Variants in MCOLN3 observed in about 807,000 individuals in gnomAD.
MCOLN3 encodes mucolipin-3.
A neutral mutation model predicts 69.4 loss-of-function variants in MCOLN3; 62 were observed. The observed-to-expected ratio is 0.89, with a 90% confidence interval of 0.73 to 1.10. MCOLN3 has a LOEUF of 1.10. MCOLN3 is among the 50% of genes least tolerant of loss of function. The pLI, the probability that MCOLN3 is intolerant of heterozygous loss-of-function variation, is 0.00. For synonymous variants in MCOLN3, 183 were observed against 217.0 expected (o/e 0.84, Z 1.38); for missense variants, 564 against 656.4 (o/e 0.86, Z 1.54).
rs918836032 is a variant in MCOLN3 at position 85,041,296 on chromosome 1, CAAG to C, written c.229-122_229-120del. 12 of 797,852 alleles carry C rather than the reference CAAG, an allele frequency of 1.5e-5. No individual in the cohort carries two copies. In the African/African-American group the frequency reaches 2.1e-4, roughly 14 times the overall value. The allele number at this position is 797,852 out of a possible 1,614,324, so 49.4% of individuals were successfully genotyped here. A position where few individuals can be genotyped will look rare whatever the true frequency, so the allele number is the denominator to read the frequency against. ...GTTTAAAATGAATTCTCTGGGACAT[CAAG>C]AAGGTTTTGCAGCAGGTGGATAATA... On this transcript the variant is annotated intron_variant, in intron 2 of 12. Transcript: ENST00000370589.
intron 1 of MCOLN3, among the ~76,000 whole-genome samples, chr1:85,046,512 AT>A (rs1449164023): frequency 1.3e-5 from 2 of 152,214 alleles, no homozygotes; most frequent in African/African-American, 4.8e-5. Flanking sequence ...TCCATACGGA[AT>A]AGAAAGGCAG....
At chr1:85,031,579 T>C (rs72720544) in intron 6 of MCOLN3, among the ~76,000 whole-genome samples, 31,077 of 152,020 alleles carry the variant, frequency 0.2, 3,482 homozygotes, top group South Asian at 0.29. Context: ...AAATACTTTT[T>C]TAAACATACA....
In MCOLN3 at chr1:85,021,220, A is replaced by G. The variant is rs1029546614; in HGVS notation, c.1377T>C (p.Asp459=). ...GCATTTTTGCAAACGTGGCAAACAT[A>G]TCATCTCCATTTATCAGAGAGAAAA... is the stretch of plus-strand genomic sequence containing the variant. ...ECLFSLINGD[D]MFATFAKMQQ... is the part of the protein sequence containing the mutation. Residue 459 remains aspartate, a synonymous_variant, in exon 12 of 13, where the codon GAT becomes GAC. Coordinates refer to ENST00000370589, the MANE Select transcript of MCOLN3 (RefSeq NM_018298.11). 1.9e-6 allele frequency: 3 copies of G among 1,613,816 alleles called. No homozygotes were observed. In the African/African-American group the frequency reaches 4.0e-5, roughly 22 times the overall value.
rs758296897 is a variant in MCOLN3 at position 85,034,106 on chromosome 1, A to G, written c.542T>C (p.Ile181Thr). The G allele has an allele frequency of 1.2e-6, 2 of 1,614,170 alleles. No individual in the cohort carries two copies. The highest frequency in any genetic ancestry group is 1.1e-5 in the South Asian group (1 of 91,062). Reference protein sequence around the residue: ...GNDTFDIDPEIETECFFVEPD... With the variant: ...GNDTFDIDPETETECFFVEPD... The stretch of plus-strand genomic sequence containing the variant: ...TTATAGAAGAACATCACCAGTTTCA[A>G]TTTCTGGATCGATGTCAAAGGTATC... Residue 181 changes from isoleucine to threonine, a missense_variant, in exon 4 of 13, where the codon ATT (isoleucine) becomes ACT (threonine). Coordinates refer to ENST00000370589, the MANE Select transcript of MCOLN3 (RefSeq NM_018298.11).
At chr1:85,020,357 T>C (rs1398777239) in intron 12 of MCOLN3, among the ~76,000 whole-genome samples, 16 of 152,212 alleles carry the variant, frequency 1.1e-4, no homozygotes, top group Admixed American at 1.0e-3. Context: ...TTTATCCCTC[T>C]CATACCCAGA....
intron 4 of MCOLN3, among the ~76,000 whole-genome samples, chr1:85,033,874 A>G (rs1652667967): frequency 6.6e-6 from 1 of 152,176 alleles, no homozygotes; most frequent in African/African-American, 2.4e-5. Flanking sequence ...TTAGTCTTCT[A>G]TAAAAGGGGA....
chr1:85,036,257 T>C (rs1652798915), intron 3 of MCOLN3, among the ~76,000 whole-genome samples: 2 of 152,192 alleles, frequency 1.3e-5, no homozygotes, highest in South Asian at 4.1e-4. Context: ...AGTGGCATGA[T>C]CTCGGCTCAC....
chr1:85,045,755 T>C (rs1382876820), intron 1 of MCOLN3, among the ~76,000 whole-genome samples: 1 of 152,190 alleles, frequency 6.6e-6, no homozygotes, highest in African/African-American at 2.4e-5. Context: ...ATGAAAACTT[T>C]CATATATGTG....
chr1:85,022,666 T>G, intron 9 of MCOLN3: 14 of 279,298 alleles, frequency 5.0e-5, no homozygotes, highest in East Asian at 2.5e-4. Flanking sequence ...GGGTATGGGT[T>G]TGTCATTTTA....
At chr1:85,032,376 C>T (rs958635851) in intron 6 of MCOLN3, among the ~76,000 whole-genome samples, 19 of 152,092 alleles carry the variant, frequency 1.2e-4, no homozygotes, top group African/African-American at 4.3e-4. Flanking sequence ...TGAGAGCCAA[C>T]CACACAGAAC....
rs747158475 is a variant in MCOLN3, at chr1:85,032,790, A to C, written c.638T>G (p.Leu213Arg). The C allele has an allele frequency of 1.2e-6, 2 of 1,614,004 alleles. No homozygotes were observed. Among genetic ancestry groups the C allele is most frequent in the Admixed American group, 3.3e-5 (2 of 60,028 alleles). The change falls in exon 6 of 13, where the codon CTC becomes CGC. Residue 213 changes from leucine (L) to arginine (R), a missense_variant and splice_region_variant. Physicochemically the swap from Leu to Arg is moderately radical, Grantham distance 102. Transcript: ENST00000370589. ...TTTAAACTGAAGCTCCACTGTTAGGAGTCTAGAAAACAGAGGTGATTTTAG... is the reference window on the plus strand; with the variant it reads ...TTTAAACTGAAGCTCCACTGTTAGGCGTCTAGAAAACAGAGGTGATTTTAG... ...KLNLTLDFHR[L>R]LTVELQFKLK...
chr1:85,033,462 T>C (rs985993901), intron 4 of MCOLN3, among the ~76,000 whole-genome samples: 5 of 152,118 alleles, frequency 3.3e-5, no homozygotes, highest in African/African-American at 1.2e-4. Flanking sequence ...GTATTATCTC[T>C]AGAAAAAAAA....
chr1:85,047,219 A>G (rs1304356901), intron 1 of MCOLN3: 1 of 152,272 alleles, frequency 6.6e-6, no homozygotes. Context: ...ATCCACAGGA[A>G]CAAAGAGAAA....
chr1:85,039,681 A>T (rs889981222), intron 3 of MCOLN3, among the ~76,000 whole-genome samples: 11 of 152,138 alleles, frequency 7.2e-5, no homozygotes, highest in African/African-American at 2.4e-4. Context: ...GGTTAAGATG[A>T]TTTATAAGGA....
chr1:85,023,074 CTTTT>C (rs71582943), intron 9 of MCOLN3: 2 of 97,162 alleles, frequency 2.1e-5, no homozygotes, highest in Non-Finnish European at 4.1e-5. Flanking sequence ...GATTTTTATT[CTTTT>C]TTTTTTTTTT....
Position 85,026,274 on chromosome 1 carries a change from G to A in MCOLN3, c.843C>T (p.Asn281=), listed in dbSNP as rs752424732. The A allele has an allele frequency of 1.2e-6, 2 of 1,612,790 alleles. No homozygotes were observed. The highest frequency in any genetic ancestry group is 8.5e-7 in the Non-Finnish European group (1 of 1,178,770). Residue 281 remains asparagine (N), a synonymous_variant, in exon 8 of 13, where the codon AAC becomes AAT. Coordinates refer to ENST00000370589, the MANE Select transcript of MCOLN3 (RefSeq NM_018298.11). ...CATCAAAGATCATCATGTAATGAGT[G>A]TTCTTCTGAACTGAAAGCAAAGAGG... ...DWHVSGSIQK[N]THYMMIFDAF...
chr1:85,043,243 G>C (rs1220343333), intron 2 of MCOLN3, among the ~76,000 whole-genome samples: 1 of 152,072 alleles, frequency 6.6e-6, no homozygotes, highest in Admixed American at 6.6e-5. Context: ...TAAGAATTGA[G>C]TATGGGCCGG....
chr1:85,020,914 G>A (rs776673578), intron 12 of MCOLN3, among the ~76,000 whole-genome samples, 156 bp downstream of exon 12: 7 of 152,088 alleles, frequency 4.6e-5, no homozygotes, highest in Non-Finnish European at 7.4e-5. Flanking sequence ...TTTTCCACTA[G>A]TTCTATTTAT....
Position 85,018,908 on chromosome 1 carries a change from C to A in MCOLN3, c.*215G>T. On this transcript the variant is annotated 3_prime_UTR_variant, in exon 13 of 13. Coordinates refer to ENST00000370589, the MANE Select transcript of MCOLN3 (RefSeq NM_018298.11). Reference sequence around the variant, plus strand: ...GAAATAATAATAATCCAATAGCTTTCCTCATTAAAGTTTTTTTAAAAACAA... The same window carrying A: ...GAAATAATAATAATCCAATAGCTTTACTCATTAAAGTTTTTTTAAAAACAA... 2.1e-6 allele frequency: 1 copy of A among 482,910 alleles called. No individual in the cohort carries two copies. The highest frequency in any genetic ancestry group is 3.6e-6 in the Non-Finnish European group (1 of 277,634). 29.9% of individuals were successfully genotyped at this position (482,910 alleles called of 1,614,324 possible). A position where few individuals can be genotyped will look rare whatever the true frequency, so the allele number is the denominator to read the frequency against.
Sources: allele counts gnomAD v4.1 joint callset (sites outside exome capture counted in the v4.1 genomes callset), GRCh38; gene constraint gnomAD v4.1.1; transcripts MANE v1.5; gene names NCBI Gene and HGNC (gene_info 2026-07-23, HGNC 2026-07-21).